Variants in NCALD observed in about 807,000 individuals in gnomAD.
NCALD encodes the protein neurocalcin delta.
In NCALD, 10 loss-of-function variants were observed where a neutral mutation model predicts 18.6. That is an observed-to-expected ratio of 0.54 (90% confidence interval 0.33 to 0.91). The LOEUF (loss-of-function observed/expected upper bound fraction) is 0.91, where lower values mean the gene tolerates loss of function less well. Ranked by LOEUF, NCALD falls within the 40% of genes least tolerant of loss-of-function variation. The pLI is 0.03. For missense variants in NCALD, 184 were observed against 247.6 expected (o/e 0.74, Z 1.72); for synonymous variants, 88 against 87.4 (o/e 1.01, Z -0.04).
chr8:101,872,707 G>A (rs184769489), intron 4 of NCALD, among the ~76,000 whole-genome samples: 42 of 152,240 alleles, frequency 2.8e-4, no homozygotes, highest in Admixed American at 2.4e-3. Context: ...TCTTAATTAA[G>A]TATGAAAAGA....
At chr8:101,839,545 C>G (rs1450481431) in intron 4 of NCALD, among the ~76,000 whole-genome samples, 1 of 152,114 alleles carries the variant, frequency 6.6e-6, no homozygotes, top group Non-Finnish European at 1.5e-5. Flanking sequence ...ACCAAATATC[C>G]ATCAACCTCC....
intron 1 of NCALD, among the ~76,000 whole-genome samples, chr8:101,778,980 T>C (rs1278416413): frequency 2.0e-5 from 3 of 152,098 alleles, no homozygotes; most frequent in Admixed American, 6.6e-5. Context: ...GGATGGGGGA[T>C]GGAGCTACCT....
At chr8:101,826,622 A>C (rs1813948413) in intron 4 of NCALD, among the ~76,000 whole-genome samples, 1 of 152,202 alleles carries the variant, frequency 6.6e-6, no homozygotes, top group South Asian at 2.1e-4. Context: ...AAATCTTTGA[A>C]TAGATCGATT....
At chr8:102,069,240 T>A (rs1261931517) in intron 1 of NCALD, among the ~76,000 whole-genome samples, 4 of 152,202 alleles carry the variant, frequency 2.6e-5, no homozygotes, top group African/African-American at 9.6e-5. Context: ...GATATGTTCA[T>A]TAGTTATATT....
intron 1 of NCALD, among the ~76,000 whole-genome samples, chr8:101,764,902 T>G (rs1189884023): frequency 6.6e-6 from 1 of 152,206 alleles, no homozygotes; most frequent in East Asian, 1.9e-4. Context: ...TTGTTCTAAC[T>G]TGAACACAGG....
At chr8:101,949,599 A>G (rs1209502554) in intron 2 of NCALD, among the ~76,000 whole-genome samples, 1 of 152,052 alleles carries the variant, frequency 6.6e-6, no homozygotes, top group Non-Finnish European at 1.5e-5. Flanking sequence ...AAGACACTAA[A>G]CAGCTGATCA....
intron 1 of NCALD, among the ~76,000 whole-genome samples, chr8:101,769,618 T>C (rs922410431): frequency 6.6e-6 from 1 of 151,748 alleles, no homozygotes; most frequent in African/African-American, 2.4e-5. Flanking sequence ...CTTCTTTCTT[T>C]CTTCCTTTTT....
At chr8:101,699,224 C>A (rs545386557) in intron 2 of NCALD, among the ~76,000 whole-genome samples, 3 of 152,196 alleles carry the variant, frequency 2.0e-5, no homozygotes, top group Non-Finnish European at 4.4e-5. Context: ...CCATCTCATG[C>A]CAGTCACAAT....
chr8:101,988,134 GAA>G (rs1820889291), intron 2 of NCALD, among the ~76,000 whole-genome samples: 1 of 126,912 alleles, frequency 7.9e-6, no homozygotes, highest in Non-Finnish European at 1.6e-5. Flanking sequence ...CGGCCTGGGC[GAA>G]ACAGCGAGAC....
chr8:102,029,657 T>C (rs1195442384), intron 1 of NCALD, among the ~76,000 whole-genome samples: 1 of 152,066 alleles, frequency 6.6e-6, no homozygotes, highest in Non-Finnish European at 1.5e-5. Context: ...GTAACAAAAA[T>C]GAGAGAGTTA....
Position 101,966,923 on chromosome 8 carries a change from G to T in NCALD, c.-156-51065C>A, listed in dbSNP as rs1371560486. Among the ~76,000 whole-genome samples the T allele has an allele frequency of 5.3e-5, 8 of 152,116 alleles. No homozygotes were observed. The South Asian group carries it at 1.7e-3, about 32-fold the overall frequency. On this transcript the variant is annotated intron_variant, in intron 2 of 6. Coordinates refer to the NCALD transcript ENST00000311028. ...TGCACCCATTAAAAGTCATGTTTTT[G>T]AAAAATAATAATGAAATAATGTATT...
At chr8:101,906,608 T>C (rs73280898) in intron 3 of NCALD, among the ~76,000 whole-genome samples, 1,747 of 152,340 alleles carry the variant, frequency 0.011, 25 homozygotes, top group African/African-American at 0.038. Context: ...ATGATTTACT[T>C]TGTGTTCCTT....
intron 2 of NCALD, among the ~76,000 whole-genome samples, chr8:101,949,786 A>AG (rs1819319232): frequency 6.6e-6 from 1 of 151,832 alleles, no homozygotes; most frequent in Non-Finnish European, 1.5e-5. Context: ...AAAAAAAAAA[A>AG]TCAGGTGATA....
intron 1 of NCALD, among the ~76,000 whole-genome samples, chr8:101,778,760 G>T (rs890733853): frequency 3.3e-5 from 5 of 152,110 alleles, no homozygotes; most frequent in African/African-American, 1.2e-4. Flanking sequence ...CGTTTCCATA[G>T]TAAGAGCTAC....
At chr8:102,111,779 T>G (rs2132453038) in intron 1 of NCALD, among the ~76,000 whole-genome samples, 1 of 152,244 alleles carries the variant, frequency 6.6e-6, no homozygotes, top group African/African-American at 2.4e-5. Context: ...CAAATAAATG[T>G]TCAAAATCTC....
At chr8:101,772,662 T>C (rs1811632502) in intron 1 of NCALD, among the ~76,000 whole-genome samples, 1 of 152,222 alleles carries the variant, frequency 6.6e-6, no homozygotes, top group African/African-American at 2.4e-5. Flanking sequence ...CTGGTCACAA[T>C]GCCATTTGGC....
At chr8:102,068,961 A>T (rs1042073126) in intron 1 of NCALD, among the ~76,000 whole-genome samples, 3 of 152,196 alleles carry the variant, frequency 2.0e-5, no homozygotes, top group Non-Finnish European at 4.4e-5. Flanking sequence ...TCTCACTTAC[A>T]TGTGGAATCT....
intron 1 of NCALD, among the ~76,000 whole-genome samples, chr8:101,739,490 G>C (rs185272185): frequency 2.0e-5 from 3 of 152,274 alleles, no homozygotes; most frequent in Non-Finnish European, 4.4e-5. Context: ...ATTAACATTT[G>C]AGTCAGTGGA....
At chr8:101,852,649 G>A (rs1001436014) in intron 4 of NCALD, 1 of 152,208 alleles carries the variant, frequency 6.6e-6, no homozygotes, top group African/African-American at 2.4e-5. Flanking sequence ...CTGTACTGGG[G>A]CAGCGTCCAT....
Sources: allele counts gnomAD v4.1 joint callset (sites outside exome capture counted in the v4.1 genomes callset), GRCh38; gene constraint gnomAD v4.1.1; transcripts MANE v1.5; gene names NCBI Gene and HGNC (gene_info 2026-07-23, HGNC 2026-07-21).